Variants in BIRC6 observed in about 807,000 individuals in gnomAD.
BIRC6 encodes the protein baculoviral IAP repeat containing 6.
BIRC6 carries 98 observed loss-of-function variants against 503.3 expected under a neutral mutation model. That is an observed-to-expected ratio of 0.19 (90% CI 0.17 to 0.23). The LOEUF (loss-of-function observed/expected upper bound fraction) is 0.23, where lower values mean the gene tolerates loss of function less well. Ranked by LOEUF, BIRC6 falls within the 10% of genes least tolerant of loss-of-function variation. The probability of loss-of-function intolerance (pLI) is 1.00; values close to 1 mark genes in which losing one functional copy is unlikely to be tolerated. For missense variants in BIRC6, 5,360 were observed against 5,806.0 expected, an observed-to-expected ratio of 0.92 and a Z score of 2.50; for synonymous variants, 2,240 against 2,078.7, an observed-to-expected ratio of 1.08 and a Z score of -2.11.
Position 32,477,489 on chromosome 2 carries a change from A to G in BIRC6, c.6974A>G (p.His2325Arg). The G allele has an allele frequency of 1.2e-6, 2 of 1,614,016 alleles. No individual in the cohort carries two copies. Among genetic ancestry groups the G allele is most frequent in the Non-Finnish European group, 1.7e-6 (2 of 1,179,876 alleles). Residue 2325 changes from histidine (H) to arginine (R), a missense_variant, in exon 35 of 74, where the codon CAT becomes CGT. His to Arg is a conservative substitution (Grantham distance 29). Around this residue, in one of 16 missense-constraint regions of BIRC6, gnomAD observed 2,299 missense variants for 2,267.2 expected, o/e 1.01. Transcript: ENST00000421745. Reference protein sequence around the residue: ...EIEPLPFTLAHERCISVVQKL... With the variant: ...EIEPLPFTLARERCISVVQKL... ...GAACCACTTCCATTTACTCTGGCCC[A>G]TGAGCGTTGTATCTCAGTAGTCCAG...
At chr2:32,411,221 A>G (rs1574019720) in intron 9 of BIRC6, among the ~76,000 whole-genome samples, 1 of 151,384 alleles carries the variant, frequency 6.6e-6, no homozygotes, top group Admixed American at 6.6e-5. Flanking sequence ...TATTTTTAGT[A>G]GAGACGGGAG....
chr2:32,465,033 A>G lies in BIRC6; in HGVS notation c.5257-32A>G, dbSNP rs200787914. On this transcript the variant is annotated intron_variant, in intron 25 of 73. Coordinates refer to ENST00000421745, the MANE Select transcript of BIRC6 (RefSeq NM_016252.4). ...TATAGAACTATAGTAATATCAATATAAAGTTAGATTTTTTTTTTTTCCCTG... is the reference window on the plus strand; with the variant it reads ...TATAGAACTATAGTAATATCAATATGAAGTTAGATTTTTTTTTTTTCCCTG... 41 of 1,407,438 alleles carry G rather than the reference A, an allele frequency of 2.9e-5. No individual in the cohort carries two copies. The East Asian group carries it at 7.3e-4, about 25-fold the overall frequency. 87.2% of individuals were successfully genotyped at this position (1,407,438 alleles called of 1,614,324 possible).
In BIRC6 at chr2:32,442,389, T is replaced by G. The variant is rs1348397149; in HGVS notation, c.4172T>G (p.Val1391Gly). 6.2e-7 allele frequency: 1 copy of G among 1,611,640 alleles called. No individual in the cohort carries two copies. Among genetic ancestry groups the G allele is most frequent in the African/African-American group, 1.3e-5 (1 of 74,924 alleles). Residue 1391 changes from valine (V) to glycine (G), a missense_variant, in exon 19 of 74, where the codon GTT becomes GGT. Coordinates refer to ENST00000421745, the MANE Select transcript of BIRC6 (RefSeq NM_016252.4). ...AAATTTCTGTCAGACATCGTACGTG[T>G]TTGCTTCTTTGAGGCAGGACGAAGT... ...TRKFLSDIVR[V>G]CFFEAGRSIA...
At chr2:32,431,455 C>T (rs1051105254) in intron 12 of BIRC6, among the ~76,000 whole-genome samples, 4 of 152,110 alleles carry the variant, frequency 2.6e-5, no homozygotes, top group East Asian at 1.9e-4. Flanking sequence ...CTCGGCCTCC[C>T]GAAGTGCTGG....
intron 23 of BIRC6, among the ~76,000 whole-genome samples, chr2:32,459,912 C>T (rs1015927022): frequency 1.3e-5 from 2 of 151,284 alleles, no homozygotes; most frequent in African/African-American, 4.8e-5. Flanking sequence ...ACTGTCACAT[C>T]TGGTGACAGT....
chr2:32,455,125 T>A (rs1028789972), intron 23 of BIRC6, among the ~76,000 whole-genome samples: 1 of 152,152 alleles, frequency 6.6e-6, no homozygotes, highest in East Asian at 1.9e-4. Flanking sequence ...ATGCCTGTAA[T>A]CCCAGCACTT....
chr2:32,479,666 G>T, intron 37 of BIRC6, 49 bp downstream of exon 37: 1 of 1,393,156 alleles, frequency 7.2e-7, no homozygotes, highest in Non-Finnish European at 9.7e-7. Context: ...ATGGAAACAT[G>T]TTTCAAAATA....
chr2:32,368,733 C>T (rs575465280), intron 1 of BIRC6, among the ~76,000 whole-genome samples: 27 of 152,158 alleles, frequency 1.8e-4, no homozygotes, highest in African/African-American at 5.5e-4. Context: ...CTCACTTCAA[C>T]GTCTTCCTCC....
chr2:32,513,197 A>G (rs760382892), intron 54 of BIRC6, 43 bp downstream of exon 54: 1 of 1,462,076 alleles, frequency 6.8e-7, no homozygotes, highest in Non-Finnish European at 9.5e-7. Context: ...CCAGTACTAG[A>G]TCAGTTAGTG....
chr2:32,594,178 AC>A lies in BIRC6; in HGVS notation c.13501+120del. The A allele has an allele frequency of 2.5e-6, 3 of 1,188,344 alleles. No homozygotes were observed. In the South Asian group the frequency reaches 5.5e-5, roughly 22 times the overall value. The allele number at this position is 1,188,344 out of a possible 1,614,324, so 73.6% of individuals were successfully genotyped here. On this transcript the variant is annotated intron_variant, in intron 67 of 73. Coordinates refer to ENST00000421745, the MANE Select transcript of BIRC6 (RefSeq NM_016252.4). ...TAATGATTTTAAAGCAAGTTCATTT[AC>A]CTAAAAATTTTGTTCTCTGTTAGAT...
intron 9 of BIRC6, among the ~76,000 whole-genome samples, chr2:32,408,247 C>G (rs200548214): frequency 6.6e-6 from 1 of 152,048 alleles, no homozygotes; most frequent in Admixed American, 6.5e-5. Flanking sequence ...GGATTACAGG[C>G]GTGAGCCACC....
chr2:32,579,291 T>C (rs1191902777), intron 66 of BIRC6, among the ~76,000 whole-genome samples: 1 of 152,054 alleles, frequency 6.6e-6, no homozygotes, highest in Non-Finnish European at 1.5e-5. Flanking sequence ...TCTTGAAATC[T>C]ATCCTGAGGC....
rs2033284506 is a variant in BIRC6, at chr2:32,357,577, G to T, written c.325+91G>T. ...GCCTCGCGACTCGGGGAAGCGAGATGGCGAGAGGGCAGGGCTGGGGGTTCG... is the reference window on the plus strand; with the variant it reads ...GCCTCGCGACTCGGGGAAGCGAGATTGCGAGAGGGCAGGGCTGGGGGTTCG... On this transcript the variant is annotated intron_variant, in intron 1 of 73. Transcript: ENST00000421745. This position sits in a 1 kb window ranked among gnomAD's most constrained non-coding sequence, Gnocchi z 4.9. The T allele has an allele frequency of 6.7e-7, 1 of 1,497,632 alleles. No individual in the cohort carries two copies. The highest frequency in any genetic ancestry group is 8.9e-7 in the Non-Finnish European group (1 of 1,129,496). 92.8% of individuals were successfully genotyped at this position (1,497,632 alleles called of 1,614,324 possible).
intron 5 of BIRC6, among the ~76,000 whole-genome samples, chr2:32,392,531 C>A (rs770535123): frequency 1.1e-4 from 16 of 152,278 alleles, no homozygotes; most frequent in Middle Eastern, 3.4e-3. Flanking sequence ...GCTGGGATTA[C>A]AGGCATGCCA....
rs1430852431 is a variant in BIRC6 at position 32,485,738 on chromosome 2, T to C, written c.7792T>C (p.Leu2598=). ...GGAGGCAGATTCCATTTTACAGGCATTAACAAATACATCTCCTACATGTAA... is the reference window on the plus strand; with the variant it reads ...GGAGGCAGATTCCATTTTACAGGCACTAACAAATACATCTCCTACATGTAA... The part of the protein sequence containing the change: ...TLEADSILQA[L]TNTSPTLSQS... Residue 2598 remains leucine, a synonymous_variant, in exon 40 of 74, where the codon TTA becomes CTA. Transcript: ENST00000421745. 6 of 1,608,578 alleles carry C rather than the reference T, an allele frequency of 3.7e-6. No homozygotes were observed. The highest frequency in any genetic ancestry group is 5.1e-6 in the Non-Finnish European group (6 of 1,175,068).
At chr2:32,458,961 A>G (rs558657692) in intron 23 of BIRC6, among the ~76,000 whole-genome samples, 1 of 152,156 alleles carries the variant, frequency 6.6e-6, no homozygotes, top group East Asian at 1.9e-4. Flanking sequence ...AAGTGCTGGG[A>G]TTACAAGCGT....
At chr2:32,405,059 T>G (rs1300947701) in intron 8 of BIRC6, among the ~76,000 whole-genome samples, 1 of 152,208 alleles carries the variant, frequency 6.6e-6, no homozygotes, top group Admixed American at 6.5e-5. Context: ...ACACCTGAAT[T>G]CCTTTAAAAC....
rs1553539306 is a variant in BIRC6 at position 32,618,226 on chromosome 2, TTA to T, written c.*324_*325del. ...ATGTTTACTGAATGTTTATTTTATT[TTA>T]TTTTTTTTTTACTATAGAGTGAGGG... On this transcript the variant is annotated 3_prime_UTR_variant, in exon 74 of 74. Coordinates refer to ENST00000421745, the MANE Select transcript of BIRC6 (RefSeq NM_016252.4). 0.01 allele frequency: 1,434 copies of T among 139,706 alleles called. 4 individuals carry two copies. The highest frequency in any genetic ancestry group is 0.013 in the Middle Eastern group (4 of 300). 8.7% of individuals were successfully genotyped at this position (139,706 alleles called of 1,614,324 possible).
chr2:32,465,491 G>A (rs2048449774), intron 26 of BIRC6, among the ~76,000 whole-genome samples: 1 of 151,868 alleles, frequency 6.6e-6, no homozygotes, highest in African/African-American at 2.4e-5. Context: ...CCTAAAACTA[G>A]CCTTCTTATA....
Sources: gnomAD v4.1 joint callset for allele counts (sites outside exome capture counted in the v4.1 genomes callset) on GRCh38, gnomAD v4.1.1 for gene constraint, gnomAD v4.1.1 regional missense constraint, Gnocchi (gnomAD v3.1) non-coding constraint, MANE v1.5 for transcripts, NCBI Gene and HGNC (gene_info 2026-07-23, HGNC 2026-07-21) for gene names.